Variants in APCDD1 observed in about 807,000 individuals in gnomAD.
APCDD1 encodes APC down-regulated 1.
In APCDD1, 15 loss-of-function variants were observed where a neutral mutation model predicts 38.1. That is an observed-to-expected ratio of 0.39 (90% CI 0.26 to 0.61). The LOEUF (loss-of-function observed/expected upper bound fraction) is 0.61. APCDD1 is among the 20% of genes least tolerant of loss of function. APCDD1 has a pLI of 0.49. For missense variants in APCDD1, 647 were observed against 696.2 expected (o/e 0.93, Z 0.79); for synonymous variants, 261 against 279.7 (o/e 0.93, Z 0.67).
intron 3 of APCDD1, among the ~76,000 whole-genome samples, chr18:10,480,552 A>G (rs76446297): frequency 0.031 from 4,676 of 152,262 alleles, 89 homozygotes; most frequent in Middle Eastern, 0.068. Context: ...CAGAGGCCAG[A>G]AACAACTCTG....
chr18:10,455,186 C>G (rs1160253646), intron 1 of APCDD1, 147 bp downstream of exon 1: 7 of 1,358,732 alleles, frequency 5.2e-6, no homozygotes, highest in African/African-American at 3.1e-5. Context: ...CCGCGCCTGC[C>G]GTCTCAGCCC....
Position 10,488,147 on chromosome 18 carries a change from ACTGTCCTTCTTTTT to A in APCDD1, c.*112_*125del. The A allele has an allele frequency of 7.3e-7, 1 of 1,363,306 alleles. No individual in the cohort carries two copies. The highest frequency in any genetic ancestry group is 1.4e-5 in the African/African-American group (1 of 69,470). 84.5% of individuals were successfully genotyped at this position (1,363,306 alleles called of 1,614,324 possible). On this transcript the variant is annotated 3_prime_UTR_variant, in exon 5 of 5. Transcript: ENST00000355285. ...TTTTGATGCACTTGAATGCCAGAGAACTGTCCTTCTTTTTCTCCTCTCCCTCCCTCCCAGCCCCT... is the reference window on the plus strand; with the variant it reads ...TTTTGATGCACTTGAATGCCAGAGAACTCCTCTCCCTCCCTCCCAGCCCCT...
chr18:10,479,242 T>G (rs2031078469), intron 3 of APCDD1, among the ~76,000 whole-genome samples: 1 of 152,230 alleles, frequency 6.6e-6, no homozygotes, highest in Admixed American at 6.5e-5. Context: ...GTGTTTTTTA[T>G]CCGAGGGAAC....
chr18:10,464,750 G>A (rs2030664533), intron 1 of APCDD1, among the ~76,000 whole-genome samples: 1 of 152,176 alleles, frequency 6.6e-6, no homozygotes, highest in Admixed American at 6.5e-5. Context: ...AAACTGAGTA[G>A]AACTTAGCAG....
intron 3 of APCDD1, among the ~76,000 whole-genome samples, chr18:10,483,878 C>G (rs1368816340): frequency 6.6e-6 from 1 of 152,202 alleles, no homozygotes; most frequent in Non-Finnish European, 1.5e-5. Flanking sequence ...CTTTGCACCC[C>G]CTGGGTGGAA....
intron 3 of APCDD1, among the ~76,000 whole-genome samples, chr18:10,473,221 A>G (rs1039232808): frequency 6.6e-6 from 1 of 152,156 alleles, no homozygotes; most frequent in African/African-American, 2.4e-5. Context: ...AATCTATGTT[A>G]TTGTGAGCTT....
At chr18:10,482,470 T>C (rs939923764) in intron 3 of APCDD1, among the ~76,000 whole-genome samples, 3 of 152,196 alleles carry the variant, frequency 2.0e-5, no homozygotes, top group African/African-American at 7.2e-5. Flanking sequence ...GACGGGAAGA[T>C]CTGACTCCGC....
chr18:10,485,719 G>A lies in APCDD1; in HGVS notation c.1032G>A (p.Arg344=). Residue 344 remains arginine (R), a synonymous_variant, in exon 4 of 5, where the codon CGG becomes CGA. Coordinates refer to ENST00000355285, the MANE Select transcript of APCDD1 (RefSeq NM_153000.5). This position sits in a 1 kb window ranked among gnomAD's most constrained non-coding sequence, Gnocchi z 5.8. ...ACCCCACCTTCTCCATCTACGCCCG[G>A]GGCCGCTACAGCCGCGGCGTCCTCT... ...CKHPTFSIYA[R]GRYSRGVLSS... 1 of 1,614,086 alleles carries A rather than the reference G, an allele frequency of 6.2e-7. No homozygotes were observed. The highest frequency in any genetic ancestry group is 2.2e-5 in the East Asian group (1 of 44,882).
rs1454872455 is a variant in APCDD1 at position 10,485,743 on chromosome 18, C to A, written c.1056C>A (p.Leu352=). The A allele has an allele frequency of 6.8e-6, 11 of 1,613,848 alleles. No homozygotes were observed. The South Asian group carries it at 1.1e-4, about 16-fold the overall frequency. Reference sequence around the variant, plus strand: ...GGGGCCGCTACAGCCGCGGCGTCCTCTCGTCCAGGGTCATGGGAGGCACCG... The same window carrying A: ...GGGGCCGCTACAGCCGCGGCGTCCTATCGTCCAGGGTCATGGGAGGCACCG... ...YARGRYSRGV[L]SSRVMGGTEF... Residue 352 remains leucine, a synonymous_variant, in exon 4 of 5, where the codon CTC becomes CTA. Coordinates refer to ENST00000355285, the MANE Select transcript of APCDD1 (RefSeq NM_153000.5). This position sits in a 1 kb window ranked among gnomAD's most constrained non-coding sequence, Gnocchi z 5.8.
At chr18:10,455,322 T>TG (rs1233172575) in intron 1 of APCDD1, among the ~76,000 whole-genome samples, 1 of 152,248 alleles carries the variant, frequency 6.6e-6, no homozygotes, top group Non-Finnish European at 1.5e-5. Flanking sequence ...ACACCTTTTA[T>TG]GTCCAGAATC....
rs1012312941 is a variant in APCDD1 at position 10,489,058 on chromosome 18, G to A, written c.*1020G>A. The A allele has an allele frequency of 6.6e-6, 1 of 152,242 alleles. No homozygotes were observed. The highest frequency in any genetic ancestry group is 2.4e-5 in the African/African-American group (1 of 41,454). 9.4% of individuals were successfully genotyped at this position (152,242 alleles called of 1,614,324 possible). ...TGCTCAGAGAGAGTGCAGTGGGCATGGTCTGCCCTGGGGGCTTGCTCCATT... is the reference window on the plus strand; with the variant it reads ...TGCTCAGAGAGAGTGCAGTGGGCATAGTCTGCCCTGGGGGCTTGCTCCATT... On this transcript the variant is annotated 3_prime_UTR_variant, in exon 5 of 5. Coordinates refer to ENST00000355285, the MANE Select transcript of APCDD1 (RefSeq NM_153000.5).
At position 10,485,502 on chromosome 18, in the gene APCDD1, G is replaced by A. The variant is rs374914282; in HGVS notation, c.815G>A (p.Arg272Gln). The change falls in exon 4 of 5, where the codon CGG becomes CAG. Residue 272 changes from arginine (R) to glutamine (Q), a missense_variant. Coordinates refer to ENST00000355285, the MANE Select transcript of APCDD1 (RefSeq NM_153000.5). The surrounding 1 kb of genome is among the most constrained non-coding windows in gnomAD (Gnocchi z 5.8). ...HACIACRIIY[R>Q]SDEHHPPILP... Reference sequence around the variant, plus strand: ...TGCATCGCCTGTCGGATCATCTATCGGTCAGACGAGCACCACCCTCCCATC... The same window carrying A: ...TGCATCGCCTGTCGGATCATCTATCAGTCAGACGAGCACCACCCTCCCATC... 65 of 1,614,060 alleles carry A rather than the reference G, an allele frequency of 4.0e-5. No homozygotes were observed. Among genetic ancestry groups the A allele is most frequent in the East Asian group, 2.5e-4 (11 of 44,872 alleles).
In APCDD1 at chr18:10,471,030, C is replaced by A. The variant is rs145583211; in HGVS notation, c.243-500C>A. Among the ~76,000 whole-genome samples the A allele has an allele frequency of 0.016, 2,489 of 152,360 alleles. 60 individuals are homozygous for A. Among genetic ancestry groups the A allele is most frequent in the African/African-American group, 0.056 (2,311 of 41,572 alleles). The stretch of plus-strand genomic sequence containing the variant: ...ATGACAGACATTTTGCACCTGCCTG[C>A]TGTAGACAAGGTCCATAAAATAAAA... On this transcript the variant is annotated intron_variant, in intron 2 of 4. Coordinates refer to ENST00000355285, the MANE Select transcript of APCDD1 (RefSeq NM_153000.5). The surrounding 1 kb of genome is among the most constrained non-coding windows in gnomAD (Gnocchi z 5.5).
intron 4 of APCDD1, among the ~76,000 whole-genome samples, chr18:10,486,120 G>A (rs983868757): frequency 1.3e-5 from 2 of 152,224 alleles, no homozygotes; most frequent in Non-Finnish European, 2.9e-5. Context: ...GGGAAACCAA[G>A]GCAGGAGGAT....
In APCDD1 at chr18:10,469,334, G is replaced by T. The variant is rs548882365; in HGVS notation, c.242+682G>T. The stretch of plus-strand genomic sequence containing the variant: ...TAGCAGCCTTCAAGTTCCTTGGGGA[G>T]GGATCAGATGAATATGGAGAAGAGA... On this transcript the variant is annotated intron_variant, in intron 2 of 4. Transcript: ENST00000355285. The surrounding 1 kb of genome is among the most constrained non-coding windows in gnomAD (Gnocchi z 5.5). 3.3e-5 allele frequency among the ~76,000 whole-genome samples: 5 copies of T among 152,108 alleles called. No homozygotes were observed. The highest frequency in any genetic ancestry group is 7.4e-5 in the Non-Finnish European group (5 of 68,020).
Position 10,472,147 on chromosome 18 carries a change from C to A in APCDD1, c.774+86C>A, listed in dbSNP as rs933362907. The A allele has an allele frequency of 6.4e-7, 1 of 1,574,620 alleles. No homozygotes were observed. Among genetic ancestry groups the A allele is most frequent in the African/African-American group, 1.3e-5 (1 of 74,272 alleles). On this transcript the variant is annotated intron_variant, in intron 3 of 4. Transcript: ENST00000355285. This position sits in a 1 kb window ranked among gnomAD's most constrained non-coding sequence, Gnocchi z 6.6. ...CTTGCCATGGGGGCTCTAGGGCACCCTTGAAAGGGGGAATTCTGCATCATG... is the reference window on the plus strand; with the variant it reads ...CTTGCCATGGGGGCTCTAGGGCACCATTGAAAGGGGGAATTCTGCATCATG...
chr18:10,489,836 A>G lies in APCDD1; in HGVS notation c.*1798A>G, dbSNP rs1435097724. 1 of 152,224 alleles carries G rather than the reference A, an allele frequency of 6.6e-6. No homozygotes were observed. Among genetic ancestry groups the G allele is most frequent in the African/African-American group, 2.4e-5 (1 of 41,452 alleles). 9.4% of individuals were successfully genotyped at this position (152,224 alleles called of 1,614,324 possible). ...AGACTGAGGGGGCTTATTCAAAATGAAAATACTAACTTAAATGGCCACCAA... is the reference window on the plus strand; with the variant it reads ...AGACTGAGGGGGCTTATTCAAAATGGAAATACTAACTTAAATGGCCACCAA... On this transcript the variant is annotated 3_prime_UTR_variant, in exon 5 of 5. Transcript: ENST00000355285.
At chr18:10,479,722 T>C (rs891859481) in intron 3 of APCDD1, among the ~76,000 whole-genome samples, 6 of 152,166 alleles carry the variant, frequency 3.9e-5, no homozygotes, top group Non-Finnish European at 5.9e-5. Context: ...GTCTGTAAAA[T>C]GTACCCATGG....
intron 3 of APCDD1, among the ~76,000 whole-genome samples, chr18:10,480,365 T>C (rs1289263804): frequency 6.6e-6 from 1 of 152,260 alleles, no homozygotes; most frequent in Non-Finnish European, 1.5e-5. Context: ...TTAGAATGAA[T>C]ACAATATACA....
Sources: allele counts gnomAD v4.1 joint callset (sites outside exome capture counted in the v4.1 genomes callset), GRCh38; gene constraint gnomAD v4.1.1; non-coding constraint Gnocchi (gnomAD v3.1); transcripts MANE v1.5; gene names NCBI Gene and HGNC (gene_info 2026-07-23, HGNC 2026-07-21).